Variants in ZNF521 observed in about 807,000 individuals in gnomAD.
ZNF521 encodes the protein LYST-interacting protein 3.
ZNF521 carries 14 observed loss-of-function variants against 105.5 expected under a neutral mutation model. The ratio of observed to expected loss-of-function variants is 0.13; its 90% CI spans 0.09 to 0.21. The LOEUF (loss-of-function observed/expected upper bound fraction) is 0.21. Ranked by LOEUF, ZNF521 falls within the 10% of genes least tolerant of loss-of-function variation. The pLI, the probability that ZNF521 is intolerant of heterozygous loss-of-function variation, is 1.00. For synonymous variants in ZNF521, 635 were observed against 606.0 expected, an observed-to-expected ratio of 1.05 and a Z score of -0.70; for missense variants, 1,233 against 1,629.7, an observed-to-expected ratio of 0.76 and a Z score of 4.19.
chr18:25,184,715 T>G (rs1442984719), intron 5 of ZNF521, among the ~76,000 whole-genome samples: 1 of 152,192 alleles, frequency 6.6e-6, no homozygotes, highest in East Asian at 1.9e-4. Flanking sequence ...GTGTCAGTTT[T>G]AATCCTAGAT....
chr18:25,255,293 C>T (rs1908402477), intron 3 of ZNF521, among the ~76,000 whole-genome samples: 1 of 152,068 alleles, frequency 6.6e-6, no homozygotes, highest in African/African-American at 2.4e-5. Context: ...ATTCTGGAAA[C>T]AATTGAGAAT....
rs561395980 is a variant in ZNF521, at chr18:25,306,143, A to C, written c.220+15865T>G. Among the ~76,000 whole-genome samples, 6 of 152,356 alleles carry C rather than the reference A, an allele frequency of 3.9e-5. No individual in the cohort carries two copies. The South Asian group carries it at 1.2e-3, about 32-fold the overall frequency. On this transcript the variant is annotated intron_variant, in intron 3 of 7. Transcript: ENST00000361524. ...ATTAACCACACAACACTTTTTACTC[A>C]TTTGAACATTTTGAAGTTTTGTTAA...
intron 2 of ZNF521, among the ~76,000 whole-genome samples, chr18:25,336,110 A>G (rs992563511): frequency 6.6e-6 from 1 of 152,256 alleles, no homozygotes; most frequent in African/African-American, 2.4e-5. Flanking sequence ...CCGGCTAGAC[A>G]CAGCCAGGCA....
At chr18:25,156,924 C>T (rs1345310978) in intron 5 of ZNF521, among the ~76,000 whole-genome samples, 1 of 152,016 alleles carries the variant, frequency 6.6e-6, no homozygotes, top group Non-Finnish European at 1.5e-5. Context: ...ATAGAAATGG[C>T]AAAGGTGGCT....
At chr18:25,075,130 G>A (rs1253445381) in intron 7 of ZNF521, among the ~76,000 whole-genome samples, 1 of 152,158 alleles carries the variant, frequency 6.6e-6, no homozygotes, top group Non-Finnish European at 1.5e-5. Context: ...ACACTGCCAT[G>A]CATAAAGGGC....
rs138154702 is a variant in ZNF521, at chr18:25,324,031, G to A, written c.41-1844C>T. On this transcript the variant is annotated intron_variant, in intron 2 of 7. Transcript: ENST00000361524. ...GTACATTGGTAATTTGGGCTGATTTGCCATCTGGAAAATTATTATCTCAAC... is the reference window on the plus strand; with the variant it reads ...GTACATTGGTAATTTGGGCTGATTTACCATCTGGAAAATTATTATCTCAAC... Among the ~76,000 whole-genome samples, 1,246 of 152,092 alleles carry A rather than the reference G, an allele frequency of 8.2e-3. 17 individuals carry two copies. The highest frequency in any genetic ancestry group is 0.027 in the African/African-American group (1,114 of 41,486).
chr18:25,099,726 T>C (rs1293704746), intron 5 of ZNF521, among the ~76,000 whole-genome samples: 1 of 152,216 alleles, frequency 6.6e-6, no homozygotes. Flanking sequence ...TATTATACTC[T>C]TTGTTTAAAA....
At chr18:25,254,481 C>A (rs780322650) in intron 3 of ZNF521, among the ~76,000 whole-genome samples, 1 of 152,070 alleles carries the variant, frequency 6.6e-6, no homozygotes, top group Non-Finnish European at 1.5e-5. Context: ...AGCCTAATAT[C>A]TTTTAAAATC....
At chr18:25,167,956 T>G (rs2035375984) in intron 5 of ZNF521, among the ~76,000 whole-genome samples, 1 of 152,212 alleles carries the variant, frequency 6.6e-6, no homozygotes, top group Non-Finnish European at 1.5e-5. Flanking sequence ...AAAAGGTCAC[T>G]CGCATAAAAG....
chr18:25,253,190 A>G (rs1908238878), intron 3 of ZNF521, among the ~76,000 whole-genome samples: 1 of 152,202 alleles, frequency 6.6e-6, no homozygotes, highest in Non-Finnish European at 1.5e-5. Flanking sequence ...GCAAAACACA[A>G]AAAAGCAAAA....
intron 2 of ZNF521, among the ~76,000 whole-genome samples, chr18:25,333,425 G>A (rs1420333538): frequency 6.6e-6 from 1 of 151,818 alleles, no homozygotes; most frequent in South Asian, 2.1e-4. Context: ...TTTTAAAAGA[G>A]AATAATAAGG....
At chr18:25,331,321 A>G (rs564612165) in intron 2 of ZNF521, among the ~76,000 whole-genome samples, 1 of 152,196 alleles carries the variant, frequency 6.6e-6, no homozygotes, top group East Asian at 1.9e-4. Context: ...AAACTGCTAA[A>G]AAAAAAAATC....
At chr18:25,179,036 C>A (rs2035580935) in intron 5 of ZNF521, among the ~76,000 whole-genome samples, 1 of 150,656 alleles carries the variant, frequency 6.6e-6, no homozygotes, top group Admixed American at 6.6e-5. Flanking sequence ...ATGCTTGACA[C>A]CTGTTCAAGT....
At chr18:25,127,119 AAAT>A (rs2034552522) in intron 5 of ZNF521, among the ~76,000 whole-genome samples, 1 of 152,156 alleles carries the variant, frequency 6.6e-6, no homozygotes, top group East Asian at 1.9e-4. Context: ...TTGAGGGAGG[AAAT>A]ATGATGTGGA....
At chr18:25,071,246 C>T (rs922327669) in intron 7 of ZNF521, among the ~76,000 whole-genome samples, 1 of 152,002 alleles carries the variant, frequency 6.6e-6, no homozygotes, top group Non-Finnish European at 1.5e-5. Flanking sequence ...AATGGGTGAA[C>T]GTGGGCAAGT....
At chr18:25,121,458 G>A (rs544153014) in intron 5 of ZNF521, among the ~76,000 whole-genome samples, 8 of 151,906 alleles carry the variant, frequency 5.3e-5, no homozygotes, top group Admixed American at 5.2e-4. Flanking sequence ...TCACCATGTT[G>A]GCCAGGCTGG....
intron 2 of ZNF521, among the ~76,000 whole-genome samples, chr18:25,331,935 T>G (rs1913597456): frequency 1.3e-5 from 2 of 149,524 alleles, no homozygotes; most frequent in Non-Finnish European, 3.0e-5. Context: ...TCTCCTTAAC[T>G]GCAATCATAT....
At chr18:25,345,949 A>G (rs1333782136) in intron 2 of ZNF521, among the ~76,000 whole-genome samples, 1 of 152,206 alleles carries the variant, frequency 6.6e-6, no homozygotes, top group Non-Finnish European at 1.5e-5. Context: ...TATGCCAATT[A>G]GTATTTTTGC....
intron 3 of ZNF521, among the ~76,000 whole-genome samples, chr18:25,245,603 C>T (rs1021880165): frequency 2.6e-5 from 4 of 152,176 alleles, no homozygotes; most frequent in South Asian, 2.1e-4. Flanking sequence ...GTTCATCAAA[C>T]GGGCATTTTG....
Sources: gnomAD v4.1 joint callset for allele counts (sites outside exome capture counted in the v4.1 genomes callset) on GRCh38, gnomAD v4.1.1 for gene constraint, MANE v1.5 for transcripts, NCBI Gene and HGNC (gene_info 2026-07-23, HGNC 2026-07-21) for gene names.